The following GRK5 variants were observed in gnomAD, a reference collection of about 807,000 sequenced individuals.
GRK5 encodes g protein-coupled receptor kinase GRK5.
Under a neutral mutation model 78.4 loss-of-function variants are expected in GRK5, and 40 were observed. The observed-to-expected ratio is 0.51, with a 90% CI of 0.40 to 0.66. The LOEUF (loss-of-function observed/expected upper bound fraction) is 0.66, where lower values mean the gene tolerates loss of function less well. GRK5 is among the 30% of genes least tolerant of loss of function. The probability of loss-of-function intolerance (pLI) is 0.00; values close to 1 mark genes in which losing one functional copy is unlikely to be tolerated. For synonymous variants in GRK5, 289 were observed against 296.8 expected, an observed-to-expected ratio of 0.97 and a Z score of 0.27; for missense variants, 598 against 759.9, an observed-to-expected ratio of 0.79 and a Z score of 2.50.
intron 1 of GRK5, among the ~76,000 whole-genome samples, chr10:119,218,386 T>C (rs1395784047): frequency 6.6e-6 from 1 of 152,184 alleles, no homozygotes; most frequent in Admixed American, 6.5e-5. Context: ...ATGTAATTGC[T>C]CTGCAAGTCT....
chr10:119,232,427 CTG>C (rs1436638201), intron 1 of GRK5, among the ~76,000 whole-genome samples: 1 of 152,150 alleles, frequency 6.6e-6, no homozygotes, highest in African/African-American at 2.4e-5. Flanking sequence ...TGTAGAATGA[CTG>C]TAGTTAACAC....
At chr10:119,309,521 G>A (rs576933676) in intron 1 of GRK5, among the ~76,000 whole-genome samples, 1 of 152,356 alleles carries the variant, frequency 6.6e-6, no homozygotes, top group Admixed American at 6.5e-5. Context: ...AGTCAGGGCA[G>A]AGTAATGGCG....
At chr10:119,237,833 A>G (rs1848957595) in intron 1 of GRK5, among the ~76,000 whole-genome samples, 1 of 152,192 alleles carries the variant, frequency 6.6e-6, no homozygotes, top group African/African-American at 2.4e-5. Context: ...GAAATGCCCA[A>G]GTTTCAGCTT....
At chr10:119,380,569 C>G (rs558230232) in intron 2 of GRK5, among the ~76,000 whole-genome samples, 2 of 152,356 alleles carry the variant, frequency 1.3e-5, no homozygotes, top group East Asian at 3.9e-4. Flanking sequence ...CATGTCCATA[C>G]AGAAATCAGA....
rs1564931015 is a variant in GRK5, at chr10:119,427,473, C to CATCATCAGCATCACCAT, written c.533+2388_533+2389insATCATCAGCATCACCAT. Among the ~76,000 whole-genome samples, 850 of 150,396 alleles carry CATCATCAGCATCACCAT rather than the reference C, an allele frequency of 5.7e-3. 21 individuals carry two copies. Among genetic ancestry groups the CATCATCAGCATCACCAT allele is most frequent in the Admixed American group, 0.043 (652 of 15,170 alleles). On this transcript the variant is annotated intron_variant, in intron 6 of 15. Transcript: ENST00000392870. ...ATCACCGCCATCATCAGCATCACCACCATCATCAGCATCACCGCCATCATC... is the reference window on the plus strand; with the variant it reads ...ATCACCGCCATCATCAGCATCACCACATCATCAGCATCACCATCATCATCAGCATCACCGCCATCATC...
chr10:119,251,617 C>T (rs1250768226), intron 1 of GRK5, among the ~76,000 whole-genome samples: 1 of 152,146 alleles, frequency 6.6e-6, no homozygotes, highest in Non-Finnish European at 1.5e-5. Context: ...TCTTCTAAAG[C>T]GATGATGAAA....
chr10:119,211,077 T>A (rs1848479078), intron 1 of GRK5, among the ~76,000 whole-genome samples: 1 of 152,156 alleles, frequency 6.6e-6, no homozygotes, highest in Non-Finnish European at 1.5e-5. Flanking sequence ...CTTGTGATAA[T>A]TATTTTAAAA....
intron 3 of GRK5, among the ~76,000 whole-genome samples, chr10:119,394,933 C>T (rs1035545670): frequency 8.1e-5 from 12 of 148,798 alleles, no homozygotes; most frequent in Non-Finnish European, 4.4e-5. Flanking sequence ...AAGAAAGAGC[C>T]ACCTTAAAGC....
At position 119,326,600 on chromosome 10, in the gene GRK5, G is replaced by A. The variant is rs377304963; in HGVS notation, c.137G>A (p.Arg46Gln). ...FPHISQCEDL[R>Q]RTIDRDYCSL... Reference sequence around the variant, plus strand: ...CACATTAGCCAGTGTGAAGACCTCCGAAGGACCATAGGTAAGCTGTCCTGC... The same window carrying A: ...CACATTAGCCAGTGTGAAGACCTCCAAAGGACCATAGGTAAGCTGTCCTGC... Residue 46 changes from arginine (R) to glutamine (Q), a missense_variant, in exon 2 of 16, where the codon CGA becomes CAA. Coordinates refer to ENST00000392870, the MANE Select transcript of GRK5 (RefSeq NM_005308.3). The A allele has an allele frequency of 6.2e-6, 10 of 1,612,882 alleles. No individual in the cohort carries two copies. Among genetic ancestry groups the A allele is most frequent in the African/African-American group, 5.3e-5 (4 of 74,894 alleles).
At chr10:119,331,778 C>G (rs1455089232) in intron 2 of GRK5, among the ~76,000 whole-genome samples, 1 of 152,208 alleles carries the variant, frequency 6.6e-6, no homozygotes, top group Non-Finnish European at 1.5e-5. Context: ...CTCTACCTAG[C>G]AGCCAGGGTG....
intron 1 of GRK5, among the ~76,000 whole-genome samples, chr10:119,227,862 A>G (rs763815474): frequency 5.3e-5 from 8 of 152,174 alleles, no homozygotes; most frequent in Non-Finnish European, 1.2e-4. Context: ...CTAGAGTGTA[A>G]ATTGGTAAGT....
chr10:119,438,207 T>C (rs1852961445), intron 9 of GRK5, among the ~76,000 whole-genome samples: 1 of 152,148 alleles, frequency 6.6e-6, no homozygotes, highest in African/African-American at 2.4e-5. Flanking sequence ...GCTACAGTCA[T>C]ACTCGGGAGG....
In GRK5 at chr10:119,224,360, C is replaced by T. The variant is rs1044717726; in HGVS notation, c.52+16391C>T. ...CTTCATAACTTGCCAGAAGTGAGAT[C>T]CAGTCACCCACTATTTATTTATTAA... On this transcript the variant is annotated intron_variant, in intron 1 of 15. Coordinates refer to ENST00000392870, the MANE Select transcript of GRK5 (RefSeq NM_005308.3). 2.0e-5 allele frequency among the ~76,000 whole-genome samples: 3 copies of T among 151,666 alleles called. No homozygotes were observed. In the East Asian group the frequency reaches 5.8e-4, roughly 29 times the overall value.
chr10:119,328,079 ATG>A (rs1850709642), intron 2 of GRK5, among the ~76,000 whole-genome samples: 1 of 152,196 alleles, frequency 6.6e-6, no homozygotes, highest in South Asian at 2.1e-4. Context: ...AGATGAGACC[ATG>A]TGTGTAAAGG....
intron 2 of GRK5, among the ~76,000 whole-genome samples, chr10:119,370,498 A>G (rs1027362090): frequency 6.6e-6 from 1 of 152,250 alleles, no homozygotes; most frequent in Non-Finnish European, 1.5e-5. Context: ...TATTCACACA[A>G]AAACATCTTT....
chr10:119,453,032 G>A (rs1297133196), intron 14 of GRK5, 113 bp from the exon 15 acceptor site: 1 of 866,692 alleles, frequency 1.2e-6, no homozygotes, highest in Non-Finnish European at 1.9e-6. Context: ...GACCTGGAGG[G>A]CGTGTGGCTC....
intron 1 of GRK5, among the ~76,000 whole-genome samples, chr10:119,255,011 C>T (rs538391267): frequency 3.3e-4 from 49 of 148,140 alleles, no homozygotes; most frequent in African/African-American, 1.1e-3. Context: ...TGCACTCCAG[C>T]CTGGGCGACA....
intron 1 of GRK5, among the ~76,000 whole-genome samples, chr10:119,224,895 A>G (rs1050265834): frequency 6.6e-6 from 1 of 152,222 alleles, no homozygotes; most frequent in African/African-American, 2.4e-5. Context: ...CCTCAGCTGC[A>G]TAAATGTGCA....
intron 1 of GRK5, among the ~76,000 whole-genome samples, chr10:119,301,263 G>A (rs896241486): frequency 2.0e-5 from 3 of 152,226 alleles, no homozygotes; most frequent in African/African-American, 4.8e-5. Context: ...ACCTTGTGGT[G>A]GTTCTAACGC....
Sources: gnomAD v4.1 joint callset for allele counts (sites outside exome capture counted in the v4.1 genomes callset) on GRCh38, gnomAD v4.1.1 for gene constraint, MANE v1.5 for transcripts, NCBI Gene and HGNC (gene_info 2026-07-23, HGNC 2026-07-21) for gene names.